Variants in KIAA1671 observed in about 807,000 individuals in gnomAD.
KIAA1671 encodes the protein KIAA1671, also known as uncharacterized protein KIAA1671.
A neutral mutation model predicts 131.2 loss-of-function variants in KIAA1671; 52 were observed. The observed-to-expected ratio is 0.40, with a 90% CI of 0.32 to 0.50. KIAA1671 has a LOEUF of 0.50. Ranked by LOEUF, KIAA1671 falls within the 20% of genes least tolerant of loss-of-function variation. The probability of loss-of-function intolerance (pLI) is 0.73; values close to 1 mark genes in which losing one functional copy is unlikely to be tolerated. For synonymous variants in KIAA1671, 1,003 were observed against 961.6 expected (o/e 1.04, Z -0.80); for missense variants, 2,360 against 2,364.2 (o/e 1.00, Z 0.04).
intron 6 of KIAA1671, among the ~76,000 whole-genome samples, chr22:25,072,172 G>C (rs1362562519): frequency 6.6e-6 from 1 of 152,178 alleles, no homozygotes; most frequent in East Asian, 1.9e-4. Context: ...GTACATTCCA[G>C]GTACTGGCCT....
At position 25,177,461 on chromosome 22, in the gene KIAA1671, C is replaced by G. The variant is rs369951541; in HGVS notation, c.5013C>G (p.Ser1671=). 1 of 1,551,736 alleles carries G rather than the reference C, an allele frequency of 6.4e-7. No individual in the cohort carries two copies. Among genetic ancestry groups the G allele is most frequent in the Non-Finnish European group, 8.7e-7 (1 of 1,147,004 alleles). ...HSLRRSRFSE[S]ESRSPLEDET... Reference sequence around the variant, plus strand: ...TCCGGCGCAGCCGATTTAGTGAGTCCGAGAGCAGATCACCTTTGGAGGATG... The same window carrying G: ...TCCGGCGCAGCCGATTTAGTGAGTCGGAGAGCAGATCACCTTTGGAGGATG... Residue 1671 remains serine (S), a synonymous_variant, in exon 9 of 13, where the codon TCC becomes TCG. Coordinates refer to ENST00000358431, the MANE Select transcript of KIAA1671 (RefSeq NM_001145206.2).
intron 9 of KIAA1671, among the ~76,000 whole-genome samples, chr22:25,181,379 C>G (rs1934269638): frequency 1.3e-5 from 2 of 149,668 alleles, no homozygotes; most frequent in South Asian, 4.3e-4. Context: ...TATCTACTTT[C>G]CTGCCTCTGC....
intron 1 of KIAA1671, among the ~76,000 whole-genome samples, chr22:24,973,574 T>G (rs1430683760): frequency 6.6e-6 from 1 of 151,746 alleles, no homozygotes; most frequent in Admixed American, 6.6e-5. Flanking sequence ...TTTTGTATTT[T>G]TAATAGAGAC....
chr22:25,145,258 G>T (rs537045658), intron 6 of KIAA1671, among the ~76,000 whole-genome samples: 1 of 152,340 alleles, frequency 6.6e-6, no homozygotes, highest in East Asian at 1.9e-4. Context: ...TTTCCCCAGT[G>T]GGGGTGGGTT....
chr22:25,185,460 T>G, intron 11 of KIAA1671: 1 of 243,694 alleles, frequency 4.1e-6, no homozygotes, highest in Non-Finnish European at 7.9e-6. Context: ...CTCCCTCCTC[T>G]TCCCCTTTGG....
chr22:25,151,744 C>A (rs1390967623), intron 6 of KIAA1671, among the ~76,000 whole-genome samples: 1 of 151,794 alleles, frequency 6.6e-6, no homozygotes, highest in East Asian at 1.9e-4. Context: ...ATGGCCAACT[C>A]TTTTTTTCTT....
At chr22:24,982,300 C>G (rs923267847) in intron 1 of KIAA1671, among the ~76,000 whole-genome samples, 1 of 152,164 alleles carries the variant, frequency 6.6e-6, no homozygotes, top group Non-Finnish European at 1.5e-5. Context: ...AAATAAATGC[C>G]GCTTTCACTG....
chr22:25,103,223 T>G (rs956377737), intron 6 of KIAA1671, among the ~76,000 whole-genome samples: 4 of 151,432 alleles, frequency 2.6e-5, no homozygotes, highest in African/African-American at 9.7e-5. Context: ...TTTTTTTTTT[T>G]TTTTGAGAAC....
chr22:24,955,399 A>C (rs1379531989), intron 1 of KIAA1671, among the ~76,000 whole-genome samples: 1 of 152,150 alleles, frequency 6.6e-6, no homozygotes, highest in Non-Finnish European at 1.5e-5. Flanking sequence ...GCCTTTGGCT[A>C]TAAGGAGGGA....
At chr22:24,959,565 TACAC>T (rs71739745) in intron 1 of KIAA1671, among the ~76,000 whole-genome samples, 1 of 150,922 alleles carries the variant, frequency 6.6e-6, no homozygotes, top group Non-Finnish European at 1.5e-5. Flanking sequence ...TCGAGGCACA[TACAC>T]ACACACACAC....
At chr22:25,035,053 T>C (rs1424668042) in intron 4 of KIAA1671, among the ~76,000 whole-genome samples, 5 of 144,240 alleles carry the variant, frequency 3.5e-5, no homozygotes, top group Non-Finnish European at 7.4e-5. Context: ...TTTTTTTTTT[T>C]TTCTAATTTT....
chr22:25,157,083 T>C (rs761660283), intron 6 of KIAA1671, among the ~76,000 whole-genome samples: 1 of 152,320 alleles, frequency 6.6e-6, no homozygotes, highest in African/African-American at 2.4e-5. Flanking sequence ...AGGAGCCAAG[T>C]TGGGATCAGT....
At chr22:24,987,179 T>A (rs1923596513) in intron 1 of KIAA1671, among the ~76,000 whole-genome samples, 2 of 150,384 alleles carry the variant, frequency 1.3e-5, no homozygotes, top group Non-Finnish European at 3.0e-5. Context: ...TTATTTTTTT[T>A]TTTTTTTCTG....
At chr22:25,106,554 A>G (rs1458908628) in intron 6 of KIAA1671, among the ~76,000 whole-genome samples, 2 of 152,200 alleles carry the variant, frequency 1.3e-5, no homozygotes, top group Admixed American at 6.5e-5. Flanking sequence ...TCACACAGCT[A>G]ATAAGAGCTA....
chr22:24,982,564 T>A lies in KIAA1671; in HGVS notation c.-208+29792T>A, dbSNP rs973907257. 1.4e-3 allele frequency among the ~76,000 whole-genome samples: 211 copies of A among 152,284 alleles called. 2 individuals are homozygous for A. The highest frequency in any genetic ancestry group is 5.0e-3 in the African/African-American group (208 of 41,562). On this transcript the variant is annotated intron_variant, in intron 1 of 12. Transcript: ENST00000358431. ...GTGGGTGCAGGGTTGTGGGTCTGCA[T>A]GGGTGAGGGCCTGTTTCTTGAGCGG...
At chr22:25,096,755 C>T (rs1029489673) in intron 6 of KIAA1671, among the ~76,000 whole-genome samples, 1 of 152,216 alleles carries the variant, frequency 6.6e-6, no homozygotes, top group Non-Finnish European at 1.5e-5. Flanking sequence ...AGGCCTGCTC[C>T]TGCCTCTTTG....
intron 6 of KIAA1671, among the ~76,000 whole-genome samples, chr22:25,076,216 C>A (rs9612855): frequency 0.11 from 17,233 of 151,884 alleles, 1,151 homozygotes; most frequent in Non-Finnish European, 0.15. Context: ...GTACTGGTTT[C>A]ATTTACTTTG....
At chr22:25,150,812 T>C (rs1368639813) in intron 6 of KIAA1671, among the ~76,000 whole-genome samples, 1 of 151,374 alleles carries the variant, frequency 6.6e-6, no homozygotes, top group Non-Finnish European at 1.5e-5. Context: ...TGTGTTGGTT[T>C]ATGACTGTGT....
At position 25,194,943 on chromosome 22, in the gene KIAA1671, G is replaced by A. The variant is rs984811857; in HGVS notation, c.*2542G>A. ...CTTATCCCCATTCTAAATGGAGTGA[G>A]CTCTCTTTGAGGCTAAGCAAGGAGG... On this transcript the variant is annotated 3_prime_UTR_variant, in exon 13 of 13. Coordinates refer to ENST00000358431, the MANE Select transcript of KIAA1671 (RefSeq NM_001145206.2). 2 of 152,218 alleles carry A rather than the reference G, an allele frequency of 1.3e-5. No homozygotes were observed. Among genetic ancestry groups the A allele is most frequent in the African/African-American group, 2.4e-5 (1 of 41,462 alleles). 9.4% of individuals were successfully genotyped at this position (152,218 alleles called of 1,614,324 possible). A position where few individuals can be genotyped will look rare whatever the true frequency, so the allele number is the denominator to read the frequency against.
Sources: gnomAD v4.1 joint callset for allele counts (sites outside exome capture counted in the v4.1 genomes callset) on GRCh38, gnomAD v4.1.1 for gene constraint, MANE v1.5 for transcripts, NCBI Gene and HGNC (gene_info 2026-07-23, HGNC 2026-07-21) for gene names.